SUCLA2: variants seen among roughly 807,000 people sequenced by gnomAD.
SUCLA2 encodes succinate-CoA ligase ADP-forming subunit beta.
A neutral mutation model predicts 54.8 loss-of-function variants in SUCLA2; 30 were observed. The ratio of observed to expected loss-of-function variants is 0.55; its 90% CI spans 0.41 to 0.74. The LOEUF (loss-of-function observed/expected upper bound fraction) is 0.74, where lower values mean the gene tolerates loss of function less well. Ranked by LOEUF, SUCLA2 falls within the 30% of genes least tolerant of loss-of-function variation. The pLI is 0.00. For missense variants in SUCLA2, 476 were observed against 562.9 expected, an observed-to-expected ratio of 0.85 and a Z score of 1.56; for synonymous variants, 172 against 188.9, an observed-to-expected ratio of 0.91 and a Z score of 0.74.
intron 2 of SUCLA2, among the ~76,000 whole-genome samples, chr13:47,993,669 A>T (rs1950167801): frequency 6.6e-6 from 1 of 152,192 alleles, no homozygotes. Flanking sequence ...GGGAAGAAAC[A>T]ATAGTTTGGC....
At chr13:47,956,618 A>T (rs968083635) in intron 6 of SUCLA2, among the ~76,000 whole-genome samples, 5 of 152,236 alleles carry the variant, frequency 3.3e-5, no homozygotes, top group Non-Finnish European at 7.3e-5. Flanking sequence ...AAAGTTCTTC[A>T]GGCTCAAGGG....
At chr13:47,989,859 T>C (rs959104012) in intron 2 of SUCLA2, among the ~76,000 whole-genome samples, 1 of 152,250 alleles carries the variant, frequency 6.6e-6, no homozygotes, top group African/African-American at 2.4e-5. Flanking sequence ...TCAGGAGTTA[T>C]TAAGGTATCT....
intron 10 of SUCLA2, among the ~76,000 whole-genome samples, chr13:47,946,593 T>TTA (rs1555255879): frequency 8.7e-4 from 131 of 149,922 alleles, no homozygotes; most frequent in Middle Eastern, 6.9e-3. Context: ...TTTTTTTTTT[T>TTA]AAAAAAAGCA....
chr13:48,000,776 A>C, intron 1 of SUCLA2: 1 of 878,712 alleles, frequency 1.1e-6, no homozygotes, highest in South Asian at 3.3e-5. Flanking sequence ...GCTCCCAAGA[A>C]ACACAAAAGT....
chr13:47,988,520 A>G lies in SUCLA2; in HGVS notation c.534+21T>C, dbSNP rs190568263. 1.2e-4 allele frequency: 189 copies of G among 1,612,190 alleles called. 2 individuals carry two copies. The Admixed American group carries it at 3.1e-3, about 26-fold the overall frequency. On this transcript the variant is annotated intron_variant, in intron 4 of 10. Transcript: ENST00000646932. ...AATGTCATAAATTTATCCCGTATGT[A>G]TCATGTCTACAATTACTCACTTGAA...
At chr13:47,953,334 G>A (rs1949791487) in intron 8 of SUCLA2, among the ~76,000 whole-genome samples, 1 of 152,078 alleles carries the variant, frequency 6.6e-6, no homozygotes, top group Non-Finnish European at 1.5e-5. Flanking sequence ...TCAACAGTTA[G>A]ATAATTAGAT....
At chr13:47,970,050 C>T (rs572803848) in intron 5 of SUCLA2, among the ~76,000 whole-genome samples, 2 of 150,072 alleles carry the variant, frequency 1.3e-5, no homozygotes, top group East Asian at 2.0e-4. Context: ...TGCAGTGAGC[C>T]GAGATCACAC....
rs757724696 is a variant in SUCLA2, at chr13:47,949,044, G to A, written c.1229-16C>T. On this transcript the variant is annotated splice_polypyrimidine_tract_variant and intron_variant, in intron 9 of 10. Coordinates refer to ENST00000646932, the MANE Select transcript of SUCLA2 (RefSeq NM_003850.3). Reference sequence around the variant, plus strand: ...ACTCGTGTACCTGTAAATGATTTATGCAAATATAAATGTTTTAAATACACA... The same window carrying A: ...ACTCGTGTACCTGTAAATGATTTATACAAATATAAATGTTTTAAATACACA... The A allele has an allele frequency of 4.0e-5, 64 of 1,609,792 alleles. No homozygotes were observed. The highest frequency in any genetic ancestry group is 5.4e-5 in the Non-Finnish European group (63 of 1,176,434).
At position 47,949,778 on chromosome 13, in the gene SUCLA2, C is replaced by A. The variant is rs76941385; in HGVS notation, c.1108-175G>T. Among the ~76,000 whole-genome samples the A allele has an allele frequency of 4.3e-3, 658 of 152,308 alleles. 3 individuals are homozygous for A. Among genetic ancestry groups the A allele is most frequent in the African/African-American group, 0.015 (625 of 41,552 alleles). On this transcript the variant is annotated intron_variant, in intron 8 of 10. Transcript: ENST00000646932. ...ATTGAAGTCTATGTAGTCCACTGCC[C>A]ACCAGAACTTATTTCCATCTCCTTG...
rs552264011 is a variant in SUCLA2, at chr13:47,989,439, C to T, written c.272-458G>A. Among the ~76,000 whole-genome samples, 10 of 152,250 alleles carry T rather than the reference C, an allele frequency of 6.6e-5. No individual in the cohort carries two copies. In the East Asian group the frequency reaches 1.9e-3, roughly 29 times the overall value. On this transcript the variant is annotated intron_variant, in intron 2 of 10. Coordinates refer to ENST00000646932, the MANE Select transcript of SUCLA2 (RefSeq NM_003850.3). Reference sequence around the variant, plus strand: ...TGTTAGCCAGGATGGTCTCGATCTCCTGACCTCATGATCTGCCCACCTCGG... The same window carrying T: ...TGTTAGCCAGGATGGTCTCGATCTCTTGACCTCATGATCTGCCCACCTCGG...
intron 5 of SUCLA2, among the ~76,000 whole-genome samples, chr13:47,969,520 T>C (rs7335424): frequency 0.011 from 1,719 of 152,300 alleles, 39 homozygotes; most frequent in African/African-American, 0.039. Flanking sequence ...AGGTCCCAAC[T>C]CAGAAGTTCT....
At chr13:48,000,698 C>T (rs1221905907) in intron 1 of SUCLA2, among the ~76,000 whole-genome samples, 2 of 152,212 alleles carry the variant, frequency 1.3e-5, no homozygotes, top group Admixed American at 6.5e-5. Context: ...GGGGAAACTT[C>T]CCTACCTTGC....
chr13:47,979,493 G>C (rs183737621), intron 4 of SUCLA2, among the ~76,000 whole-genome samples: 3 of 152,204 alleles, frequency 2.0e-5, no homozygotes, highest in East Asian at 1.9e-4. Flanking sequence ...GTCGGGGGGT[G>C]GGGGGCTAGG....
chr13:47,968,869 G>T, intron 5 of SUCLA2, 136 bp from the exon 6 acceptor site: 1 of 1,025,934 alleles, frequency 9.7e-7, no homozygotes, highest in Non-Finnish European at 1.4e-6. Context: ...TGAAATAGCA[G>T]CTACCATTAC....
chr13:47,964,526 A>G (rs1375786295), intron 6 of SUCLA2, among the ~76,000 whole-genome samples: 1 of 152,240 alleles, frequency 6.6e-6, no homozygotes, highest in Non-Finnish European at 1.5e-5. Context: ...TAATGAACCA[A>G]TGTCAACTAA....
Position 47,943,335 on chromosome 13 carries a change from C to T in SUCLA2, c.*36G>A, listed in dbSNP as rs1219374055. On this transcript the variant is annotated 3_prime_UTR_variant, in exon 11 of 11. Transcript: ENST00000646932. ...CACAGTATTCTTAATGATTATAGCACATTTAACACCTTCAGCCATCCACTG... is the reference window on the plus strand; with the variant it reads ...CACAGTATTCTTAATGATTATAGCATATTTAACACCTTCAGCCATCCACTG... The T allele has an allele frequency of 1.3e-6, 2 of 1,584,418 alleles. No individual in the cohort carries two copies. The highest frequency in any genetic ancestry group is 2.7e-5 in the African/African-American group (2 of 74,308).
At chr13:47,966,520 G>GT (rs552103799) in intron 6 of SUCLA2, among the ~76,000 whole-genome samples, 3,220 of 58,142 alleles carry the variant, frequency 0.055, 58 homozygotes, top group Non-Finnish European at 0.056. Flanking sequence ...AGTAATTGCC[G>GT]TTTTTAAAAA....
In SUCLA2 at chr13:47,948,931, C is replaced by A. The variant is rs1949755921; in HGVS notation, c.1317+9G>T. 1 of 1,613,198 alleles carries A rather than the reference C, an allele frequency of 6.2e-7. No individual in the cohort carries two copies. The highest frequency in any genetic ancestry group is 8.5e-7 in the Non-Finnish European group (1 of 1,179,322). On this transcript the variant is annotated intron_variant, in intron 10 of 10. Coordinates refer to ENST00000646932, the MANE Select transcript of SUCLA2 (RefSeq NM_003850.3). Reference sequence around the variant, plus strand: ...ATAAATCCTCCTTAGATGAACATGGCCAATTTACCATTCTAGCAGCTTCAT... The same window carrying A: ...ATAAATCCTCCTTAGATGAACATGGACAATTTACCATTCTAGCAGCTTCAT...
intron 4 of SUCLA2, among the ~76,000 whole-genome samples, chr13:47,977,877 C>A (rs185255338): frequency 1.3e-3 from 192 of 152,158 alleles, no homozygotes; most frequent in Non-Finnish European, 1.9e-3. Flanking sequence ...AAATAATAGA[C>A]AAACAAGAGT....
Sources: allele counts gnomAD v4.1 joint callset (sites outside exome capture counted in the v4.1 genomes callset), GRCh38; gene constraint gnomAD v4.1.1; transcripts MANE v1.5; gene names NCBI Gene and HGNC (gene_info 2026-07-23, HGNC 2026-07-21).